The following VPS13B variants were observed in gnomAD, a reference collection of about 807,000 sequenced individuals.
The protein encoded by VPS13B is intermembrane lipid transfer protein VPS13B.
A neutral mutation model predicts 426.4 loss-of-function variants in VPS13B; 285 were observed. That is an observed-to-expected ratio of 0.67 (90% CI 0.61 to 0.74). VPS13B has a LOEUF of 0.74. VPS13B is among the 30% of genes least tolerant of loss of function. The pLI is 0.00. For missense variants in VPS13B, 4,537 were observed against 4,782.6 expected (o/e 0.95, Z 1.51); for synonymous variants, 1,676 against 1,676.4 (o/e 1.00, Z 0.01).
chr8:99,092,406 CT>C (rs1361362958), intron 3 of VPS13B, among the ~76,000 whole-genome samples: 3 of 152,030 alleles, frequency 2.0e-5, no homozygotes, highest in East Asian at 1.9e-4. Flanking sequence ...AATATTTTAG[CT>C]GGTATTTTTG....
intron 31 of VPS13B, among the ~76,000 whole-genome samples, chr8:99,574,113 G>A (rs912193040): frequency 2.0e-5 from 3 of 152,228 alleles, no homozygotes; most frequent in African/African-American, 4.8e-5. Context: ...TCTGTTATTT[G>A]TGGATAAGAA....
intron 36 of VPS13B, 97 bp downstream of exon 36, chr8:99,700,029 G>A: frequency 6.9e-7 from 1 of 1,447,432 alleles, no homozygotes. Context: ...TTATGTAGAA[G>A]TTAAAAGTTG....
chr8:99,245,041 G>T (rs1027719251), intron 17 of VPS13B, among the ~76,000 whole-genome samples: 4 of 152,142 alleles, frequency 2.6e-5, no homozygotes, highest in Non-Finnish European at 5.9e-5. Context: ...CTCATTGTTG[G>T]CTCTCTTGTG....
chr8:99,181,259 C>T (rs990278893), intron 16 of VPS13B, among the ~76,000 whole-genome samples: 3 of 152,046 alleles, frequency 2.0e-5, no homozygotes, highest in Non-Finnish European at 2.9e-5. Context: ...TGATAAATAT[C>T]GAGTGAAAAA....
At chr8:99,666,239 G>A (rs1046416195) in intron 35 of VPS13B, among the ~76,000 whole-genome samples, 2 of 152,144 alleles carry the variant, frequency 1.3e-5, no homozygotes, top group South Asian at 2.1e-4. Flanking sequence ...ACAAGGAGGA[G>A]CTGGTACCAT....
chr8:99,282,862 G>T (rs1405065205), intron 19 of VPS13B, among the ~76,000 whole-genome samples: 2 of 152,046 alleles, frequency 1.3e-5, no homozygotes, highest in Non-Finnish European at 2.9e-5. Context: ...TTACCAAATT[G>T]TGATAAATTA....
Position 99,038,418 on chromosome 8 carries a change from T to C in VPS13B, c.148-5T>C. On this transcript the variant is annotated splice_polypyrimidine_tract_variant and splice_region_variant and intron_variant, in intron 2 of 61. Coordinates refer to ENST00000357162, the MANE Select transcript of VPS13B (RefSeq NM_152564.5). ...TAATTTTTATGTAATGTTTTGTGTT[T>C]TAAGGAACTGAAATTACCATTCACT... 6 of 1,600,642 alleles carry C rather than the reference T, an allele frequency of 3.7e-6. No individual in the cohort carries two copies. The highest frequency in any genetic ancestry group is 5.1e-6 in the Non-Finnish European group (6 of 1,171,958).
intron 44 of VPS13B, 93 bp downstream of exon 44, chr8:99,809,623 G>T: frequency 1.4e-6 from 2 of 1,436,380 alleles, no homozygotes; most frequent in Non-Finnish European, 1.9e-6. Context: ...AATCACAGTG[G>T]TTATGCCTAG....
At chr8:99,446,797 C>A (rs982206368) in intron 23 of VPS13B, among the ~76,000 whole-genome samples, 1 of 152,070 alleles carries the variant, frequency 6.6e-6, no homozygotes, top group African/African-American at 2.4e-5. Flanking sequence ...GTTACTAGTA[C>A]CTGAATAGAG....
At chr8:99,635,123 T>C (rs906839264) in intron 33 of VPS13B, among the ~76,000 whole-genome samples, 1 of 152,000 alleles carries the variant, frequency 6.6e-6, no homozygotes, top group African/African-American at 2.4e-5. Context: ...GTGCATAACT[T>C]TTTCAAGTTT....
chr8:99,226,587 A>T (rs1816030921), intron 17 of VPS13B, among the ~76,000 whole-genome samples: 1 of 152,150 alleles, frequency 6.6e-6, no homozygotes, highest in South Asian at 2.1e-4. Flanking sequence ...TGAGAGCACA[A>T]ATATTGGGTC....
intron 3 of VPS13B, among the ~76,000 whole-genome samples, chr8:99,054,239 C>A (rs553825854): frequency 6.6e-6 from 1 of 152,292 alleles, no homozygotes; most frequent in African/African-American, 2.4e-5. Context: ...TCACTTTTTT[C>A]AGGAATTTCC....
At chr8:99,687,468 G>A (rs146609286) in intron 35 of VPS13B, among the ~76,000 whole-genome samples, 49 of 152,054 alleles carry the variant, frequency 3.2e-4, no homozygotes, top group East Asian at 1.4e-3. Flanking sequence ...GGACCCCAGA[G>A]CACTTTAGCC....
intron 3 of VPS13B, among the ~76,000 whole-genome samples, chr8:99,068,972 T>C (rs1266945272): frequency 6.6e-6 from 1 of 152,006 alleles, no homozygotes; most frequent in Non-Finnish European, 1.5e-5. Flanking sequence ...TGCCTACTCT[T>C]ATTTTAAAGT....
chr8:99,025,800 C>T lies in VPS13B; in HGVS notation c.147+11865C>T, dbSNP rs142098138. Among the ~76,000 whole-genome samples the T allele has an allele frequency of 3.4e-3, 510 of 152,016 alleles. 4 individuals carry two copies. The highest frequency in any genetic ancestry group is 0.01 in the African/African-American group (425 of 41,452). ...TCAATTTTGGTAGATTATATGTGTC[C>T]GGGAATTTATTTGTGTTCTCTAGGT... On this transcript the variant is annotated intron_variant, in intron 2 of 61. Transcript: ENST00000357162.
chr8:99,313,947 G>C (rs1821163061), intron 19 of VPS13B, among the ~76,000 whole-genome samples: 2 of 152,156 alleles, frequency 1.3e-5, no homozygotes, highest in African/African-American at 4.8e-5. Context: ...GAGGCTTCGT[G>C]GGCTTGGGAC....
intron 31 of VPS13B, among the ~76,000 whole-genome samples, chr8:99,569,711 A>G (rs1320235574): frequency 6.6e-6 from 1 of 152,198 alleles, no homozygotes; most frequent in Non-Finnish European, 1.5e-5. Context: ...CCTTTCTGAC[A>G]CATGTGTTTT....
chr8:99,555,552 T>C lies in VPS13B; in HGVS notation c.4746-898T>C, dbSNP rs558000119. ...TTTATGGGGGCCAAAAGCTATTTTT[T>C]CTTTTGATCATCTACTTTAAAACTT... On this transcript the variant is annotated intron_variant, in intron 30 of 61. Transcript: ENST00000357162. 2.6e-5 allele frequency among the ~76,000 whole-genome samples: 4 copies of C among 152,298 alleles called. No individual in the cohort carries two copies. In the South Asian group the frequency reaches 8.3e-4, roughly 32 times the overall value.
At chr8:99,023,739 A>C (rs1477182732) in intron 2 of VPS13B, among the ~76,000 whole-genome samples, 1 of 152,158 alleles carries the variant, frequency 6.6e-6, no homozygotes, top group Non-Finnish European at 1.5e-5. Context: ...TTGGCCTCCC[A>C]AAGTGCTGGG....
Sources: allele counts gnomAD v4.1 joint callset (sites outside exome capture counted in the v4.1 genomes callset), GRCh38; gene constraint gnomAD v4.1.1; transcripts MANE v1.5; gene names NCBI Gene and HGNC (gene_info 2026-07-23, HGNC 2026-07-21).